AFF3: variants seen among roughly 807,000 people sequenced by gnomAD.
AFF3 encodes AF4/FMR2 family member 3.
Under a neutral mutation model 129.7 loss-of-function variants are expected in AFF3, and 32 were observed. The ratio of observed to expected loss-of-function variants is 0.25; its 90% confidence interval spans 0.19 to 0.33. AFF3 has a LOEUF of 0.33. Ranked by LOEUF, AFF3 falls within the 10% of genes least tolerant of loss-of-function variation. The pLI is 1.00. For synonymous variants in AFF3, 644 were observed against 635.4 expected (o/e 1.01, Z -0.20); for missense variants, 1,373 against 1,592.0 (o/e 0.86, Z 2.34).
At chr2:100,102,192 A>C (rs1690784014) in intron 4 of AFF3, among the ~76,000 whole-genome samples, 1 of 151,562 alleles carries the variant, frequency 6.6e-6, no homozygotes, top group South Asian at 2.1e-4. Flanking sequence ...TTAAAAATTT[A>C]CGTAAACCAT....
chr2:100,107,574 C>G, intron 2 of AFF3: 1 of 910,238 alleles, frequency 1.1e-6, no homozygotes, highest in Middle Eastern at 5.6e-4. Flanking sequence ...CTTTTCTCCC[C>G]ACATGGATGC....
intron 12 of AFF3, among the ~76,000 whole-genome samples, chr2:99,655,228 A>G (rs1685643109): frequency 6.8e-6 from 1 of 146,850 alleles, no homozygotes; most frequent in South Asian, 2.2e-4. Flanking sequence ...ACACACACAC[A>G]CACACACACA....
rs539090576 is a variant in AFF3, at chr2:99,837,345, T to C, written c.921+132A>G. On this transcript the variant is annotated intron_variant, in intron 8 of 24. Coordinates refer to ENST00000672756, the MANE Select transcript of AFF3 (RefSeq NM_001386135.1). ...ACAGAAGTGTTGTTTCAAAAACTTA[T>C]GTGACTACTCTCAGAAAAGGTAAAT... 52 of 840,626 alleles carry C rather than the reference T, an allele frequency of 6.2e-5. 1 individual carries two copies. Among genetic ancestry groups the C allele is most frequent in the African/African-American group, 5.9e-4 (34 of 58,074 alleles). 52.1% of individuals were successfully genotyped at this position (840,626 alleles called of 1,614,324 possible).
chr2:100,006,573 G>C (rs1681985576), intron 7 of AFF3, 59 bp downstream of exon 7: 2 of 1,507,350 alleles, frequency 1.3e-6, no homozygotes, highest in East Asian at 4.6e-5. Context: ...AATTCACGAG[G>C]GTCAAATTGT....
At chr2:99,887,168 A>T (rs1165277748) in intron 7 of AFF3, among the ~76,000 whole-genome samples, 1 of 152,222 alleles carries the variant, frequency 6.6e-6, no homozygotes, top group Non-Finnish European at 1.5e-5. Context: ...TGTCATGTTC[A>T]ATTTAGCCTC....
rs78555864 is a variant in AFF3 at position 100,002,623 on chromosome 2, G to A, written c.873+4009C>T. 4.5e-3 allele frequency among the ~76,000 whole-genome samples: 689 copies of A among 152,166 alleles called. 42 individuals are homozygous for A. The East Asian group carries it at 0.12, about 27-fold the overall frequency. On this transcript the variant is annotated intron_variant, in intron 7 of 24. Coordinates refer to ENST00000672756, the MANE Select transcript of AFF3 (RefSeq NM_001386135.1). ...TCTATTGATTGATATCCAAATTCAG[G>A]TGTCTCTTTCCTTACCACTGACTAA...
chr2:99,896,935 C>T (rs974917359), intron 7 of AFF3, among the ~76,000 whole-genome samples: 3 of 152,022 alleles, frequency 2.0e-5, no homozygotes, highest in Non-Finnish European at 4.4e-5. Flanking sequence ...GCGCCCGGCC[C>T]TGTGCATTCT....
chr2:99,851,801 G>C (rs1256410237), intron 7 of AFF3, among the ~76,000 whole-genome samples: 1 of 152,158 alleles, frequency 6.6e-6, no homozygotes, highest in African/African-American at 2.4e-5. Flanking sequence ...GATACAATTT[G>C]TTACTCCATT....
intron 19 of AFF3, among the ~76,000 whole-genome samples, chr2:99,566,575 G>A (rs746782368): frequency 2.0e-5 from 3 of 152,124 alleles, no homozygotes; most frequent in African/African-American, 7.2e-5. Context: ...ACATTTCTAC[G>A]GGATTATCTG....
intron 7 of AFF3, among the ~76,000 whole-genome samples, chr2:99,909,266 T>G (rs192772326): frequency 2.1e-5 from 3 of 144,258 alleles, no homozygotes; most frequent in African/African-American, 7.7e-5. Context: ...ATGTTCTCAC[T>G]CATAGGTGGG....
intron 15 of AFF3, 65 bp downstream of exon 15, chr2:99,593,130 C>A (rs1027610195): frequency 1.9e-5 from 29 of 1,507,834 alleles, no homozygotes; most frequent in Non-Finnish European, 2.6e-5. Context: ...TATCCAAGTA[C>A]CCACAAGTTA....
intron 13 of AFF3, among the ~76,000 whole-genome samples, chr2:99,609,516 T>G (rs1019277428): frequency 6.6e-6 from 1 of 152,246 alleles, no homozygotes; most frequent in Non-Finnish European, 1.5e-5. Context: ...TCACTTAGAA[T>G]AATAGTCTCC....
intron 7 of AFF3, among the ~76,000 whole-genome samples, chr2:99,838,391 T>C (rs1689057967): frequency 6.6e-6 from 1 of 152,174 alleles, no homozygotes; most frequent in Non-Finnish European, 1.5e-5. Context: ...CAGTCTCTTC[T>C]CCAAGGCCAC....
In AFF3 at chr2:99,633,293, A is replaced by T. The variant is rs73964181; in HGVS notation, c.1184+16333T>A. On this transcript the variant is annotated intron_variant, in intron 13 of 24. Transcript: ENST00000672756. ...GTTTGCTGTCCATGGAAGGCAGGAA[A>T]TGAGGTGTCTCAGCACAGCAGTGAT... Among the ~76,000 whole-genome samples the T allele has an allele frequency of 2.6e-5, 4 of 152,228 alleles. No homozygotes were observed. In the South Asian group the frequency reaches 8.3e-4, roughly 32 times the overall value.
intron 2 of AFF3, among the ~76,000 whole-genome samples, chr2:100,128,732 A>G (rs961305433): frequency 8.5e-5 from 13 of 152,218 alleles, no homozygotes; most frequent in African/African-American, 3.1e-4. Context: ...TTTGAAATAA[A>G]GGACTTTCAA....
At chr2:99,984,505 T>A (rs1404152935) in intron 7 of AFF3, among the ~76,000 whole-genome samples, 2 of 152,172 alleles carry the variant, frequency 1.3e-5, no homozygotes, top group Non-Finnish European at 2.9e-5. Context: ...TGAAAGATCA[T>A]CTAAATGTGT....
chr2:100,086,912 A>T (rs1305758218), intron 4 of AFF3, among the ~76,000 whole-genome samples: 1 of 152,280 alleles, frequency 6.6e-6, no homozygotes, highest in Admixed American at 6.5e-5. Flanking sequence ...TAGGCAAGAC[A>T]CACATTATCT....
At chr2:99,891,517 G>A (rs1038782732) in intron 7 of AFF3, among the ~76,000 whole-genome samples, 1 of 149,750 alleles carries the variant, frequency 6.7e-6, no homozygotes, top group Non-Finnish European at 1.5e-5. Context: ...TGCCCAGCCC[G>A]GCAGGATGCT....
chr2:99,892,301 T>TC (rs1436047144), intron 7 of AFF3, among the ~76,000 whole-genome samples: 2 of 152,232 alleles, frequency 1.3e-5, no homozygotes, highest in East Asian at 3.8e-4. Context: ...ATTACAAAAT[T>TC]CATTACACTT....
Sources: allele counts gnomAD v4.1 joint callset (sites outside exome capture counted in the v4.1 genomes callset), GRCh38; gene constraint gnomAD v4.1.1; transcripts MANE v1.5; gene names NCBI Gene and HGNC (gene_info 2026-07-23, HGNC 2026-07-21).